The following KCNQ1 variants were observed in gnomAD, a reference collection of about 807,000 sequenced individuals.
The protein encoded by KCNQ1 is potassium voltage-gated channel subfamily KQT member 1.
A neutral mutation model predicts 72.4 loss-of-function variants in KCNQ1; 49 were observed. The observed-to-expected ratio is 0.68, with a 90% confidence interval of 0.54 to 0.86. The LOEUF (loss-of-function observed/expected upper bound fraction) is 0.86. KCNQ1 is among the 40% of genes least tolerant of loss of function. The probability of loss-of-function intolerance (pLI) is 0.00; values close to 1 mark genes in which losing one functional copy is unlikely to be tolerated. For missense variants in KCNQ1, 790 were observed against 945.1 expected (o/e 0.84, Z 2.15); for synonymous variants, 450 against 412.6 (o/e 1.09, Z -1.10).
At chr11:2,641,181 T>C (rs2133829697) in intron 10 of KCNQ1, 1 of 398,510 alleles carries the variant, frequency 2.5e-6, no homozygotes, top group East Asian at 3.6e-5. Flanking sequence ...TAGATAAATA[T>C]CCAGTAGTGA....
At position 2,493,512 on chromosome 11, in the gene KCNQ1, G is replaced by T. The variant is rs771440047; in HGVS notation, c.387-34416G>T. On this transcript the variant is annotated intron_variant, in intron 1 of 15. Transcript: ENST00000155840. This position sits in a 1 kb window ranked among gnomAD's most constrained non-coding sequence, Gnocchi z 5.3. ...TTACATTTAAGTCTTTAATCATCTT[G>T]AGTTAATTTTTATATAAGTTGTAAG... 1.3e-5 allele frequency among the ~76,000 whole-genome samples: 2 copies of T among 152,118 alleles called. No homozygotes were observed. Among genetic ancestry groups the T allele is most frequent in the Non-Finnish European group, 2.9e-5 (2 of 68,032 alleles).
chr11:2,583,305 G>A (rs1426900932), intron 6 of KCNQ1, 130 bp from the exon 7 acceptor site: 6 of 744,660 alleles, frequency 8.1e-6, no homozygotes, highest in East Asian at 2.6e-5. Flanking sequence ...CGAGTCACAC[G>A]GGGTCGTCCT....
Position 2,462,843 on chromosome 11 carries a change from G to A in KCNQ1, c.386+17359G>A, listed in dbSNP as rs917822342. On this transcript the variant is annotated intron_variant, in intron 1 of 15. Coordinates refer to ENST00000155840, the MANE Select transcript of KCNQ1 (RefSeq NM_000218.3). The surrounding 1 kb of genome is among the most constrained non-coding windows in gnomAD (Gnocchi z 8.2). ...ACCCTCCCTGGGCTGGTGAGTCGGG[G>A]CCCAGCCCAGAGTGACAGGGACCAA... Among the ~76,000 whole-genome samples the A allele has an allele frequency of 6.6e-6, 1 of 152,160 alleles. No homozygotes were observed. The highest frequency in any genetic ancestry group is 2.4e-5 in the African/African-American group (1 of 41,426).
rs1048909537 is a variant in KCNQ1, at chr11:2,792,920, T to C, written c.1794+14883T>C. On this transcript the variant is annotated intron_variant, in intron 15 of 15. Coordinates refer to ENST00000155840, the MANE Select transcript of KCNQ1 (RefSeq NM_000218.3). The stretch of plus-strand genomic sequence containing the variant: ...CCCTGCCCCCAGTCCCCCACATAGG[T>C]GTCAAAGTGCACAGCACCCCCTCTC... Among the ~76,000 whole-genome samples, 5 of 90,662 alleles carry C rather than the reference T, an allele frequency of 5.5e-5. No individual in the cohort carries two copies. The East Asian group carries it at 1.1e-3, about 20-fold the overall frequency. The allele number at this position is 90,662 out of a possible 152,430, so 59.5% of individuals were successfully genotyped here.
At chr11:2,504,615 G>A (rs1442722763) in intron 1 of KCNQ1, among the ~76,000 whole-genome samples, 1 of 152,036 alleles carries the variant, frequency 6.6e-6, no homozygotes, top group Non-Finnish European at 1.5e-5. Context: ...AAATTAGCTG[G>A]ACTTGGTGGC....
rs377661770 is a variant in KCNQ1, at chr11:2,463,820, C to T, written c.386+18336C>T. ...CCCTGAAGCCGGATGGCCCGGCCCC[C>T]GCTACCACGTGGAGGCTCCCTGTAG... On this transcript the variant is annotated intron_variant, in intron 1 of 15. Transcript: ENST00000155840. The surrounding 1 kb of genome is among the most constrained non-coding windows in gnomAD (Gnocchi z 7.0). Among the ~76,000 whole-genome samples, 60 of 152,362 alleles carry T rather than the reference C, an allele frequency of 3.9e-4. No homozygotes were observed. The highest frequency in any genetic ancestry group is 1.3e-3 in the African/African-American group (54 of 41,590).
intron 2 of KCNQ1, among the ~76,000 whole-genome samples, chr11:2,530,681 G>A (rs574532582): frequency 6.7e-4 from 102 of 152,284 alleles, no homozygotes; most frequent in African/African-American, 2.3e-3. Context: ...ACGCATGTTT[G>A]GCTCTGTTTC....
intron 6 of KCNQ1, among the ~76,000 whole-genome samples, chr11:2,581,474 C>G (rs1848497430): frequency 6.6e-6 from 1 of 152,200 alleles, no homozygotes; most frequent in South Asian, 2.1e-4. Context: ...GGAGGACACC[C>G]TGCAGACGAG....
Position 2,657,674 on chromosome 11 carries a change from G to A in KCNQ1, c.1394-4287G>A, listed in dbSNP as rs1849874110. The A allele has an allele frequency of 2.5e-6, 1 of 398,458 alleles. No individual in the cohort carries two copies. Among genetic ancestry groups the A allele is most frequent in the Non-Finnish European group, 4.4e-6 (1 of 226,064 alleles). 24.7% of individuals were successfully genotyped at this position (398,458 alleles called of 1,614,324 possible). A position where few individuals can be genotyped will look rare whatever the true frequency, so the allele number is the denominator to read the frequency against. On this transcript the variant is annotated intron_variant, in intron 10 of 15. Transcript: ENST00000155840. This position sits in a 1 kb window ranked among gnomAD's most constrained non-coding sequence, Gnocchi z 4.8. ...GGATTTCCCCAGTTTAACTACTAATGTCCTTTTTCTGTTCCAAGATCCCAT... is the reference window on the plus strand; with the variant it reads ...GGATTTCCCCAGTTTAACTACTAATATCCTTTTTCTGTTCCAAGATCCCAT...
rs1590022728 is a variant in KCNQ1 at position 2,673,002 on chromosome 11, G to C, written c.1514+10921G>C. 1 of 398,696 alleles carries C rather than the reference G, an allele frequency of 2.5e-6. No individual in the cohort carries two copies. Among genetic ancestry groups the C allele is most frequent in the East Asian group, 3.6e-5 (1 of 28,074 alleles). 24.7% of individuals were successfully genotyped at this position (398,696 alleles called of 1,614,324 possible). On this transcript the variant is annotated intron_variant, in intron 11 of 15. Transcript: ENST00000155840. This position sits in a 1 kb window ranked among gnomAD's most constrained non-coding sequence, Gnocchi z 4.5. ...GGCCTTGCCTAAAGGAGAAGCCAGTGAATCAATGTGTTACTTGAACAAATA... is the reference window on the plus strand; with the variant it reads ...GGCCTTGCCTAAAGGAGAAGCCAGTCAATCAATGTGTTACTTGAACAAATA...
In KCNQ1 at chr11:2,594,378, T is replaced by G. The variant is rs993257317; in HGVS notation, c.1393+5524T>G. Among the ~76,000 whole-genome samples, 4 of 152,236 alleles carry G rather than the reference T, an allele frequency of 2.6e-5. No homozygotes were observed. In the East Asian group the frequency reaches 7.7e-4, roughly 29 times the overall value. Reference sequence around the variant, plus strand: ...TGACTTTAGTGTTCAGAGGTTTCAATGTACTGTACCAAGGTGGTGCATTAT... The same window carrying G: ...TGACTTTAGTGTTCAGAGGTTTCAAGGTACTGTACCAAGGTGGTGCATTAT... On this transcript the variant is annotated intron_variant, in intron 10 of 15. Coordinates refer to ENST00000155840, the MANE Select transcript of KCNQ1 (RefSeq NM_000218.3).
rs1849590373 is a variant in KCNQ1, at chr11:2,642,150, T to C, written c.1394-19811T>C. Reference sequence around the variant, plus strand: ...AATTTTAGGATTTTTTCTATTTCCATGAAAAATGGCATTGGTATTTTGAGA... The same window carrying C: ...AATTTTAGGATTTTTTCTATTTCCACGAAAAATGGCATTGGTATTTTGAGA... On this transcript the variant is annotated intron_variant, in intron 10 of 15. Coordinates refer to ENST00000155840, the MANE Select transcript of KCNQ1 (RefSeq NM_000218.3). The surrounding 1 kb of genome is among the most constrained non-coding windows in gnomAD (Gnocchi z 4.3). 2 of 398,366 alleles carry C rather than the reference T, an allele frequency of 5.0e-6. No homozygotes were observed. The highest frequency in any genetic ancestry group is 1.3e-4 in the South Asian group (1 of 7,864). The allele number at this position is 398,366 out of a possible 1,614,324, so 24.7% of individuals were successfully genotyped here.
rs952164323 is a variant in KCNQ1 at position 2,627,824 on chromosome 11, C to T, written c.1394-34137C>T. The T allele has an allele frequency of 3.0e-5, 12 of 398,408 alleles. No individual in the cohort carries two copies. The highest frequency in any genetic ancestry group is 2.5e-4 in the East Asian group (7 of 28,072). 24.7% of individuals were successfully genotyped at this position (398,408 alleles called of 1,614,324 possible). On this transcript the variant is annotated intron_variant, in intron 10 of 15. Coordinates refer to ENST00000155840, the MANE Select transcript of KCNQ1 (RefSeq NM_000218.3). This position sits in a 1 kb window ranked among gnomAD's most constrained non-coding sequence, Gnocchi z 4.9. Reference sequence around the variant, plus strand: ...GGAGTACAGTGGCACAATCACAGTTCACTGTAGCCTCAACCTCATGGGCTC... The same window carrying T: ...GGAGTACAGTGGCACAATCACAGTTTACTGTAGCCTCAACCTCATGGGCTC...
intron 11 of KCNQ1, chr11:2,667,306 G>A: frequency 2.5e-6 from 1 of 398,626 alleles, no homozygotes. Flanking sequence ...GCACTGTCTA[G>A]GTGGATGGCC....
chr11:2,845,755 G>A (rs958165587), intron 15 of KCNQ1, among the ~76,000 whole-genome samples: 8 of 152,154 alleles, frequency 5.3e-5, no homozygotes, highest in Admixed American at 5.2e-4. Context: ...GGTCCCCTGG[G>A]CTCCTGCTCT....
At chr11:2,794,814 T>C (rs554324903) in intron 15 of KCNQ1, among the ~76,000 whole-genome samples, 5 of 152,046 alleles carry the variant, frequency 3.3e-5, no homozygotes, top group Non-Finnish European at 7.4e-5. Context: ...CAGAACCACA[T>C]ACCTGTTCTT....
chr11:2,665,100 T>C (rs953902147), intron 11 of KCNQ1: 1 of 397,698 alleles, frequency 2.5e-6, no homozygotes, highest in African/African-American at 2.1e-5. Context: ...AGATAAAGAG[T>C]GGCGTCGCTG....
intron 11 of KCNQ1, chr11:2,688,922 C>T (rs1158193938): frequency 2.5e-6 from 1 of 398,782 alleles, no homozygotes; most frequent in Non-Finnish European, 4.4e-6. Flanking sequence ...CCCACACAGG[C>T]CTGTCTCACA....
At chr11:2,708,850 C>T (rs1238892858) in intron 11 of KCNQ1, among the ~76,000 whole-genome samples, 1 of 152,138 alleles carries the variant, frequency 6.6e-6, no homozygotes, top group Non-Finnish European at 1.5e-5. Flanking sequence ...ACAGGGGCAG[C>T]TCCAGCTGTG....
Sources: allele counts gnomAD v4.1 joint callset (sites outside exome capture counted in the v4.1 genomes callset), GRCh38; gene constraint gnomAD v4.1.1; non-coding constraint Gnocchi (gnomAD v3.1); transcripts MANE v1.5; gene names NCBI Gene and HGNC (gene_info 2026-07-23, HGNC 2026-07-21).